MPP7: variants seen among roughly 807,000 people sequenced by gnomAD.
MPP7 encodes the protein MAGUK p55 scaffold protein 7.
A neutral mutation model predicts 76.5 loss-of-function variants in MPP7; 60 were observed. The ratio of observed to expected loss-of-function variants is 0.78; its 90% CI spans 0.64 to 0.97. MPP7 has a LOEUF of 0.97. Among genes scored for constraint, MPP7 ranks in the 50% least tolerant of loss-of-function variants. The pLI is 0.00. For missense variants in MPP7, 641 were observed against 694.0 expected, an observed-to-expected ratio of 0.92 and a Z score of 0.86; for synonymous variants, 237 against 244.5, an observed-to-expected ratio of 0.97 and a Z score of 0.29.
intron 5 of MPP7, among the ~76,000 whole-genome samples, chr10:28,135,158 G>A (rs560911698): frequency 6.6e-6 from 1 of 152,216 alleles, no homozygotes; most frequent in South Asian, 2.1e-4. Context: ...CTGTGATGGG[G>A]AAAAAGAAAC....
chr10:28,277,626 T>G lies in MPP7; in HGVS notation c.-132+25235A>C, dbSNP rs151115161. On this transcript the variant is annotated intron_variant, in intron 1 of 16. Coordinates refer to ENST00000683449, the MANE Select transcript of MPP7 (RefSeq NM_001318170.2). ...ACAAAGAAGTCCTCTGCAAACATGA[T>G]GTTATGCAAGGAAAGCTTTAAAACC... Among the ~76,000 whole-genome samples, 667 of 152,128 alleles carry G rather than the reference T, an allele frequency of 4.4e-3. 3 individuals are homozygous for G. Among genetic ancestry groups the G allele is most frequent in the Non-Finnish European group, 7.6e-3 (519 of 68,002 alleles).
At chr10:28,254,521 A>G (rs1055305965) in intron 1 of MPP7, among the ~76,000 whole-genome samples, 3 of 152,220 alleles carry the variant, frequency 2.0e-5, no homozygotes, top group African/African-American at 4.8e-5. Context: ...ATCTATTTTA[A>G]TATCAAGGAA....
Position 28,232,358 on chromosome 10 carries a change from A to AACACACACACACAC in MPP7, c.37+6196_37+6209dup, listed in dbSNP as rs3064135. ...GACAGAGTGAGATCCTGTCTCTTAA[A>AACACACACACACAC]ACACACACACACACACACACACACA... On this transcript the variant is annotated intron_variant, in intron 2 of 16. Coordinates refer to ENST00000683449, the MANE Select transcript of MPP7 (RefSeq NM_001318170.2). Among the ~76,000 whole-genome samples, 1,026 of 147,438 alleles carry AACACACACACACAC rather than the reference A, an allele frequency of 7.0e-3. 13 individuals are homozygous for AACACACACACACAC. Among genetic ancestry groups the AACACACACACACAC allele is most frequent in the African/African-American group, 0.025 (974 of 39,534 alleles).
intron 7 of MPP7, among the ~76,000 whole-genome samples, chr10:28,124,603 GT>G (rs1485298140): frequency 1.4e-5 from 2 of 147,150 alleles, no homozygotes; most frequent in African/African-American, 2.5e-5. Flanking sequence ...AGCCTTGCAA[GT>G]AGCTGATACT....
chr10:28,258,178 G>A (rs956068064), intron 1 of MPP7, among the ~76,000 whole-genome samples: 4 of 150,016 alleles, frequency 2.7e-5, no homozygotes, highest in Admixed American at 6.7e-5. Flanking sequence ...TCTAGAACCC[G>A]ATGTTCCTTC....
At chr10:28,308,783 A>G (rs995578771) in intron 2 of MPP7, among the ~76,000 whole-genome samples, 33 of 152,088 alleles carry the variant, frequency 2.2e-4, no homozygotes, top group African/African-American at 7.5e-4. Flanking sequence ...GTCTCAAAAA[A>G]AAAAAGACAA....
chr10:28,293,827 T>C (rs1445491250), intron 1 of MPP7, among the ~76,000 whole-genome samples: 5 of 151,844 alleles, frequency 3.3e-5, no homozygotes, highest in African/African-American at 4.8e-5. Flanking sequence ...AAGGAAACAA[T>C]AAAAAGGAAA....
intron 3 of MPP7, among the ~76,000 whole-genome samples, chr10:28,157,125 G>T (rs543187202): frequency 6.6e-6 from 1 of 152,092 alleles, no homozygotes; most frequent in African/African-American, 2.4e-5. Context: ...CAGGAGAATC[G>T]CTTGAACCCG....
At chr10:28,154,866 A>T (rs527619200) in intron 3 of MPP7, among the ~76,000 whole-genome samples, 315 of 152,206 alleles carry the variant, frequency 2.1e-3, no homozygotes, top group African/African-American at 7.3e-3. Flanking sequence ...CAATTATGAG[A>T]GCTGCCATTC....
intron 1 of MPP7, chr10:28,280,122 A>G (rs1230093184): frequency 6.6e-6 from 1 of 152,104 alleles, no homozygotes; most frequent in African/African-American, 2.4e-5. Context: ...CAGTTCAGCA[A>G]CTGCCAAGAC....
chr10:28,159,436 A>G (rs1216337339), intron 3 of MPP7, among the ~76,000 whole-genome samples: 2 of 152,216 alleles, frequency 1.3e-5, no homozygotes, highest in Non-Finnish European at 2.9e-5. Context: ...ATCTTACCAA[A>G]AATCAGTATA....
chr10:28,107,478 A>G (rs1281107896), intron 11 of MPP7, among the ~76,000 whole-genome samples: 2 of 152,110 alleles, frequency 1.3e-5, no homozygotes, highest in Non-Finnish European at 2.9e-5. Flanking sequence ...AGTGATGGCC[A>G]TCCATGTCTT....
chr10:28,116,965 A>C (rs2133591185), intron 11 of MPP7, among the ~76,000 whole-genome samples: 1 of 152,244 alleles, frequency 6.6e-6, no homozygotes, highest in East Asian at 1.9e-4. Flanking sequence ...GGAGCCAAGA[A>C]CTAGAGCTCT....
intron 3 of MPP7, among the ~76,000 whole-genome samples, chr10:28,165,854 G>A (rs1319164094): frequency 2.0e-5 from 3 of 151,882 alleles, no homozygotes; most frequent in Non-Finnish European, 2.9e-5. Flanking sequence ...GTGAAACCCC[G>A]TCTCTACTAA....
intron 1 of MPP7, among the ~76,000 whole-genome samples, chr10:28,286,071 A>G (rs1431642543): frequency 6.6e-6 from 1 of 152,088 alleles, no homozygotes; most frequent in Non-Finnish European, 1.5e-5. Context: ...TTCGCCCGGG[A>G]TGGTGGCTCA....
At chr10:28,196,932 T>C (rs1837603642) in intron 3 of MPP7, among the ~76,000 whole-genome samples, 1 of 152,140 alleles carries the variant, frequency 6.6e-6, no homozygotes, top group African/African-American at 2.4e-5. Flanking sequence ...GTTCCCACTC[T>C]CTTAGAAGAA....
At chr10:28,252,501 A>C (rs1439366234) in intron 1 of MPP7, among the ~76,000 whole-genome samples, 1 of 152,244 alleles carries the variant, frequency 6.6e-6, no homozygotes, top group Non-Finnish European at 1.5e-5. Flanking sequence ...TTAAAAAATC[A>C]GATATTGCTC....
At chr10:28,304,170 G>A (rs1257998068), upstream of MPP7, among the ~76,000 whole-genome samples, 1 of 152,192 alleles carries the variant, frequency 6.6e-6, no homozygotes, top group Non-Finnish European at 1.5e-5. Context: ...TCAATGACCT[G>A]CAGTTAATAT....
chr10:28,289,216 G>A (rs942349808), intron 1 of MPP7: 41 of 152,054 alleles, frequency 2.7e-4, no homozygotes, highest in Non-Finnish European at 5.4e-4. Context: ...CAGGAGACTC[G>A]CTTGAACCCA....
Sources: allele counts gnomAD v4.1 joint callset (sites outside exome capture counted in the v4.1 genomes callset), GRCh38; gene constraint gnomAD v4.1.1; transcripts MANE v1.5; gene names NCBI Gene and HGNC (gene_info 2026-07-23, HGNC 2026-07-21).